The following ITPKC variants were observed in gnomAD, a reference collection of about 807,000 sequenced individuals.
ITPKC encodes the protein IP3 3-kinase C.
Under a neutral mutation model 67.1 loss-of-function variants are expected in ITPKC, and 33 were observed. The observed-to-expected ratio is 0.49, with a 90% confidence interval of 0.37 to 0.66. ITPKC has a LOEUF of 0.66. Among genes scored for constraint, ITPKC ranks in the 30% least tolerant of loss-of-function variants. The pLI is 0.00. For missense variants in ITPKC, 820 were observed against 892.1 expected, an observed-to-expected ratio of 0.92 and a Z score of 1.03; for synonymous variants, 341 against 359.8, an observed-to-expected ratio of 0.95 and a Z score of 0.59.
At chr19:40,732,985 T>G (rs2082278613) in intron 3 of ITPKC, among the ~76,000 whole-genome samples, 175 bp from the exon 4 acceptor site, 1 of 152,214 alleles carries the variant, frequency 6.6e-6, no homozygotes, top group Non-Finnish European at 1.5e-5. Flanking sequence ...TGAATTGCAG[T>G]GCCTAGTCAT....
intron 2 of ITPKC, among the ~76,000 whole-genome samples, chr19:40,726,595 G>T (rs1375366323): frequency 6.6e-6 from 1 of 152,190 alleles, no homozygotes; most frequent in African/African-American, 2.4e-5. Context: ...GACTAGAAAA[G>T]TGTGCCCATT....
chr19:40,720,144 T>C (rs2082214724), intron 1 of ITPKC, among the ~76,000 whole-genome samples: 1 of 151,956 alleles, frequency 6.6e-6, no homozygotes, highest in Admixed American at 6.6e-5. Context: ...GGCAGGGGGA[T>C]CACCTAAGGT....
intron 5 of ITPKC, among the ~76,000 whole-genome samples, chr19:40,737,451 G>A (rs370955602): frequency 8.9e-4 from 136 of 152,332 alleles, no homozygotes; most frequent in Admixed American, 2.8e-3. Flanking sequence ...AGCCTGGATC[G>A]AGGGGTCTGG....
chr19:40,731,736 G>A (rs1389975596), intron 3 of ITPKC, among the ~76,000 whole-genome samples: 1 of 150,260 alleles, frequency 6.7e-6, no homozygotes, highest in African/African-American at 2.5e-5. Flanking sequence ...CCTAATCCTT[G>A]GGTTTTTATG....
chr19:40,717,367 C>T lies in ITPKC; in HGVS notation c.232C>T (p.Pro78Ser), dbSNP rs1306604485. The T allele has an allele frequency of 4.3e-6, 7 of 1,612,254 alleles. No individual in the cohort carries two copies. In the Admixed American group the frequency reaches 8.3e-5, roughly 19 times the overall value. The part of the protein sequence containing the change: ...HSEPERAGLG[P>S]APGTESPQAE... ...CGAGCCTGAGAGGGCCGGCCTCGGG[C>T]CTGCGCCGGGGACAGAGAGTCCGCA... Residue 78 changes from proline (P) to serine (S), a missense_variant, in exon 1 of 7, where the codon CCT (proline) becomes TCT (serine). By Grantham distance (74) the Pro-to-Ser change is moderately conservative (BLOSUM62 -1). Around this residue, in one of 2 missense-constraint regions of ITPKC, gnomAD observed 481 missense variants for 470.1 expected, o/e 1.02. Transcript: ENST00000263370.
At position 40,717,690 on chromosome 19, in the gene ITPKC, A is replaced by C. The variant is rs1340493892; in HGVS notation, c.555A>C (p.Pro185=). ...AAACGCATGGGTCACAGACTCAGCC[A>C]GAGAGGGTCAAGTCCTGGGCTGATA... ...ELETHGSQTQ[P]ERVKSWADNL... is the part of the protein sequence containing the mutation. Residue 185 remains proline, a synonymous_variant, in exon 1 of 7, where the codon CCA becomes CCC. Transcript: ENST00000263370. The C allele has an allele frequency of 1.9e-6, 3 of 1,613,990 alleles. No individual in the cohort carries two copies. Among genetic ancestry groups the C allele is most frequent in the Non-Finnish European group, 2.5e-6 (3 of 1,180,014 alleles).
chr19:40,721,212 G>C (rs963186402), intron 1 of ITPKC, among the ~76,000 whole-genome samples: 1 of 152,120 alleles, frequency 6.6e-6, no homozygotes, highest in African/African-American at 2.4e-5. Context: ...GACAGTCACA[G>C]TTCAGAGTGG....
rs1182365184 is a variant in ITPKC, at chr19:40,740,574, G to C, written c.*1014G>C. The C allele has an allele frequency of 4.7e-6, 1 of 214,062 alleles. No individual in the cohort carries two copies. Among genetic ancestry groups the C allele is most frequent in the South Asian group, 1.8e-4 (1 of 5,412 alleles). The allele number at this position is 214,062 out of a possible 1,614,324, so 13.3% of individuals were successfully genotyped here. ...TGCAGCCTGATCCAAACCAAAGACT[G>C]TAGAACCCTGGGGTGTGGCTAACGG... On this transcript the variant is annotated 3_prime_UTR_variant, in exon 7 of 7. Coordinates refer to ENST00000263370, the MANE Select transcript of ITPKC (RefSeq NM_025194.3).
At chr19:40,728,529 T>G (rs1289802872) in intron 2 of ITPKC, among the ~76,000 whole-genome samples, 1 of 152,222 alleles carries the variant, frequency 6.6e-6, no homozygotes, top group Non-Finnish European at 1.5e-5. Flanking sequence ...GTTAGCACCT[T>G]GGGATTCCAG....
chr19:40,739,071 T>G (rs2082309635), intron 6 of ITPKC, among the ~76,000 whole-genome samples: 1 of 152,196 alleles, frequency 6.6e-6, no homozygotes, highest in Non-Finnish European at 1.5e-5. Flanking sequence ...CCACTTAATA[T>G]TTTTGGATCG....
At chr19:40,735,720 G>A (rs758506433) in intron 4 of ITPKC, among the ~76,000 whole-genome samples, 12 of 151,932 alleles carry the variant, frequency 7.9e-5, no homozygotes, top group Non-Finnish European at 1.6e-4. Context: ...TGTGTCTGTC[G>A]TGTTACTCCC....
chr19:40,738,255 C>T (rs532439646), intron 6 of ITPKC, among the ~76,000 whole-genome samples: 2 of 151,996 alleles, frequency 1.3e-5, no homozygotes, highest in Admixed American at 6.6e-5. Flanking sequence ...AGTGAAACCC[C>T]GTCTCTACTA....
chr19:40,731,218 C>T (rs998553854), intron 3 of ITPKC, among the ~76,000 whole-genome samples: 2 of 152,172 alleles, frequency 1.3e-5, no homozygotes, highest in Non-Finnish European at 2.9e-5. Flanking sequence ...AGGAGGCCAG[C>T]GAGCATTACC....
At chr19:40,738,549 C>T (rs1214554473) in intron 6 of ITPKC, among the ~76,000 whole-genome samples, 2 of 151,376 alleles carry the variant, frequency 1.3e-5, no homozygotes, top group Non-Finnish European at 2.9e-5. Context: ...GAGACTCTGT[C>T]TCAAAAAAAA....
chr19:40,726,675 G>T (rs2082247748), intron 2 of ITPKC, among the ~76,000 whole-genome samples: 1 of 152,188 alleles, frequency 6.6e-6, no homozygotes, highest in Non-Finnish European at 1.5e-5. Context: ...AATAAGGCAA[G>T]ACCCCCTAAA....
intron 4 of ITPKC, among the ~76,000 whole-genome samples, chr19:40,736,152 G>A (rs150652060): frequency 2.1e-4 from 32 of 152,212 alleles, no homozygotes; most frequent in South Asian, 6.2e-4. Context: ...TTAGCCAGGC[G>A]TGGTGGCGGG....
chr19:40,740,858 C>T lies in ITPKC; in HGVS notation c.*1298C>T, dbSNP rs1465051963. 1 of 397,684 alleles carries T rather than the reference C, an allele frequency of 2.5e-6. No homozygotes were observed. Among genetic ancestry groups the T allele is most frequent in the Non-Finnish European group, 4.4e-6 (1 of 225,584 alleles). 24.6% of individuals were successfully genotyped at this position (397,684 alleles called of 1,614,324 possible). ...CCCCAATAAACAGAACATTCAGAGC[C>T]AATGTCGTAGAGCTTTTTATTTTGC... On this transcript the variant is annotated 3_prime_UTR_variant, in exon 7 of 7. Transcript: ENST00000263370.
chr19:40,717,754 C>T lies in ITPKC; in HGVS notation c.619C>T (p.His207Tyr), dbSNP rs766246046. Reference sequence around the variant, plus strand: ...CCAGAACAGTTCCAGCCTCCAGACTCACCCAGAAGGAGCCTGTCCCTCAAA... The same window carrying T: ...CCAGAACAGTTCCAGCCTCCAGACTTACCCAGAAGGAGCCTGTCCCTCAAA... ...THQNSSSLQT[H>Y]PEGACPSKEP... The change falls in exon 1 of 7, where the codon CAC (histidine) becomes TAC (tyrosine). Residue 207 changes from histidine to tyrosine, a missense_variant. Coordinates refer to ENST00000263370, the MANE Select transcript of ITPKC (RefSeq NM_025194.3). The T allele has an allele frequency of 2.5e-6, 4 of 1,613,912 alleles. No homozygotes were observed. The highest frequency in any genetic ancestry group is 3.4e-6 in the Non-Finnish European group (4 of 1,179,908).
At position 40,737,750 on chromosome 19, in the gene ITPKC, C is replaced by G. The variant is rs140693572; in HGVS notation, c.1829C>G (p.Pro610Arg). 1 of 1,614,122 alleles carries G rather than the reference C, an allele frequency of 6.2e-7. No individual in the cohort carries two copies. Among genetic ancestry groups the G allele is most frequent in the Non-Finnish European group, 8.5e-7 (1 of 1,179,996 alleles). Reference protein sequence around the residue: ...EELREALEISPFFKTHEVVGS... With the variant: ...EELREALEISRFFKTHEVVGS... ...CTTCGTGAAGCTCTGGAGATCTCCC[C>G]CTTCTTCAAGACCCACGAGGTGCGA... The change falls in exon 6 of 7, where the codon CCC becomes CGC. Residue 610 changes from proline (P) to arginine (R), a missense_variant. Pro to Arg is a moderately radical substitution (Grantham distance 103). This residue lies in a region of ITPKC where 339 missense variants were observed against 422.0 expected (regional missense o/e 0.80). Transcript: ENST00000263370.
Sources: allele counts gnomAD v4.1 joint callset (sites outside exome capture counted in the v4.1 genomes callset), GRCh38; gene constraint gnomAD v4.1.1; regional missense constraint gnomAD v4.1.1; transcripts MANE v1.5; gene names NCBI Gene and HGNC (gene_info 2026-07-23, HGNC 2026-07-21).